VTA1: variants seen among roughly 807,000 people sequenced by gnomAD.
The protein encoded by VTA1 is vacuolar protein sorting-associated protein VTA1 homolog.
A neutral mutation model predicts 36.9 loss-of-function variants in VTA1; 24 were observed. The observed-to-expected ratio is 0.65, with a 90% CI of 0.47 to 0.91. The LOEUF is 0.91. Ranked by LOEUF, VTA1 falls within the 40% of genes least tolerant of loss-of-function variation. The pLI, the probability that VTA1 is intolerant of heterozygous loss-of-function variation, is 0.00. For missense variants in VTA1, 393 were observed against 377.2 expected, an observed-to-expected ratio of 1.04 and a Z score of -0.35; for synonymous variants, 142 against 130.2, an observed-to-expected ratio of 1.09 and a Z score of -0.62.
In VTA1 at chr6:142,214,237, C is replaced by T. The variant is rs146170531; in HGVS notation, c.779-4261C>T. 1.4e-3 allele frequency among the ~76,000 whole-genome samples: 218 copies of T among 152,314 alleles called. 1 individual carries two copies. The highest frequency in any genetic ancestry group is 5.0e-3 in the African/African-American group (209 of 41,578). ...AGATCTCTAGGGCAGGGGCAAAATG[C>T]CTCCAGCCTCTTTGCTAAAGCATAG... On this transcript the variant is annotated intron_variant, in intron 7 of 7. Coordinates refer to ENST00000367630, the MANE Select transcript of VTA1 (RefSeq NM_016485.5).
At chr6:142,153,853 G>A (rs1778612906) in intron 1 of VTA1, among the ~76,000 whole-genome samples, 1 of 152,108 alleles carries the variant, frequency 6.6e-6, no homozygotes, top group African/African-American at 2.4e-5. Context: ...GTAGGTCCAT[G>A]TGCAGCACAT....
At chr6:142,198,337 G>T in intron 5 of VTA1, 102 bp from the exon 6 acceptor site, 2 of 1,076,590 alleles carry the variant, frequency 1.9e-6, no homozygotes, top group Non-Finnish European at 1.3e-6. Context: ...AAATAGAATT[G>T]CATTTAAAGA....
intron 1 of VTA1, among the ~76,000 whole-genome samples, chr6:142,158,621 A>C (rs1018600024): frequency 6.6e-6 from 1 of 152,198 alleles, no homozygotes; most frequent in Non-Finnish European, 1.5e-5. Flanking sequence ...TGTTTAAAAC[A>C]TTTATAATTA....
chr6:142,198,163 G>GTGTGTGTGTGTA (rs1400033605), intron 5 of VTA1, among the ~76,000 whole-genome samples: 1 of 66,918 alleles, frequency 1.5e-5, no homozygotes, highest in African/African-American at 3.6e-5. Context: ...GTGTGTGTGT[G>GTGTGTGTGTGTA]TATATGTGTG....
chr6:142,182,829 A>G (rs1775267526), intron 4 of VTA1, among the ~76,000 whole-genome samples: 1 of 152,198 alleles, frequency 6.6e-6, no homozygotes, highest in Admixed American at 6.5e-5. Flanking sequence ...GGCAGCAAAT[A>G]CACCTCATGG....
At chr6:142,188,495 G>C (rs541235897) in intron 4 of VTA1, among the ~76,000 whole-genome samples, 1 of 152,222 alleles carries the variant, frequency 6.6e-6, no homozygotes, top group Admixed American at 6.5e-5. Flanking sequence ...TTACAGGCAT[G>C]AGCCACCGTG....
At chr6:142,158,028 A>T (rs1778697014) in intron 1 of VTA1, among the ~76,000 whole-genome samples, 1 of 149,886 alleles carries the variant, frequency 6.7e-6, no homozygotes, top group African/African-American at 2.4e-5. Flanking sequence ...TTTAAAATAG[A>T]AGTTAAAAAA....
At chr6:142,148,548 C>T (rs1582871579) in intron 1 of VTA1, among the ~76,000 whole-genome samples, 2 of 152,292 alleles carry the variant, frequency 1.3e-5, no homozygotes, top group Middle Eastern at 3.4e-3. Context: ...CATTGAGCTA[C>T]CTTTGTATCA....
intron 5 of VTA1, among the ~76,000 whole-genome samples, chr6:142,198,104 A>AAAAT (rs1380930247): frequency 1.9e-5 from 1 of 51,864 alleles, no homozygotes; most frequent in Non-Finnish European, 5.3e-5. Flanking sequence ...CTCAAAAAAA[A>AAAAT]ATATATATAT....
intron 1 of VTA1, among the ~76,000 whole-genome samples, chr6:142,164,402 A>G (rs975223267): frequency 2.0e-5 from 3 of 152,020 alleles, no homozygotes; most frequent in Non-Finnish European, 2.9e-5. Flanking sequence ...CTTAATACCT[A>G]GATGGATCGA....
intron 1 of VTA1, among the ~76,000 whole-genome samples, chr6:142,152,284 C>A (rs1277566345): frequency 6.6e-6 from 1 of 151,812 alleles, no homozygotes; most frequent in Admixed American, 6.6e-5. Context: ...GTAACAAATC[C>A]TTTTTAATTT....
At chr6:142,215,366 G>A (rs1447778410) in intron 7 of VTA1, among the ~76,000 whole-genome samples, 6 of 151,970 alleles carry the variant, frequency 3.9e-5, no homozygotes, top group African/African-American at 9.7e-5. Context: ...GCATGAACCC[G>A]GGAGGTGAAG....
intron 6 of VTA1, among the ~76,000 whole-genome samples, chr6:142,200,382 C>T (rs894958938): frequency 1.3e-5 from 2 of 151,682 alleles, no homozygotes; most frequent in South Asian, 2.1e-4. Flanking sequence ...AATTATTATG[C>T]GAATCAAGAG....
intron 4 of VTA1, among the ~76,000 whole-genome samples, chr6:142,176,043 C>G (rs1775117597): frequency 6.6e-6 from 1 of 152,120 alleles, no homozygotes; most frequent in Admixed American, 6.5e-5. Context: ...CTCTTGGAAT[C>G]AGTGCCCAGT....
intron 4 of VTA1, among the ~76,000 whole-genome samples, chr6:142,178,434 A>G (rs1447751907): frequency 6.6e-6 from 1 of 152,148 alleles, no homozygotes; most frequent in African/African-American, 2.4e-5. Flanking sequence ...GGTCTGCACT[A>G]AAGATCCAAA....
intron 7 of VTA1, among the ~76,000 whole-genome samples, chr6:142,215,438 C>T (rs1366605901): frequency 1.9e-5 from 1 of 51,908 alleles, no homozygotes; most frequent in African/African-American, 1.6e-4. Flanking sequence ...GAGACTCCAT[C>T]TCAAAAAAAA....
chr6:142,149,597 A>G (rs1778526190), intron 1 of VTA1, among the ~76,000 whole-genome samples: 1 of 152,180 alleles, frequency 6.6e-6, no homozygotes, highest in Non-Finnish European at 1.5e-5. Context: ...TGTCTTAATA[A>G]TGTTAGATGT....
chr6:142,181,090 A>T lies in VTA1; in HGVS notation c.412-8336A>T, dbSNP rs368735634. ...CTTAAATGGTACAGAAAAAAAAAAA[A>T]AAAAATATATATATATATATATATA... On this transcript the variant is annotated intron_variant, in intron 4 of 7. Transcript: ENST00000367630. Among the ~76,000 whole-genome samples the T allele has an allele frequency of 4.4e-4, 18 of 41,070 alleles. No homozygotes were observed. The South Asian group carries it at 8.1e-3, about 19-fold the overall frequency. 26.9% of individuals were successfully genotyped at this position (41,070 alleles called of 152,430 possible).
chr6:142,188,534 G>C (rs149261345), intron 4 of VTA1, among the ~76,000 whole-genome samples: 4 of 152,050 alleles, frequency 2.6e-5, no homozygotes, highest in Non-Finnish European at 5.9e-5. Context: ...AACCACGTTC[G>C]CTCTGGAACG....
Sources: gnomAD v4.1 joint callset for allele counts (sites outside exome capture counted in the v4.1 genomes callset) on GRCh38, gnomAD v4.1.1 for gene constraint, MANE v1.5 for transcripts, NCBI Gene and HGNC (gene_info 2026-07-23, HGNC 2026-07-21) for gene names.